Variants in C8orf34 observed in about 807,000 individuals in gnomAD.
C8orf34 encodes chromosome 8 open reading frame 34.
C8orf34 carries 65 observed loss-of-function variants against 68.3 expected under a neutral mutation model. The observed-to-expected ratio is 0.95, with a 90% confidence interval of 0.78 to 1.17. C8orf34 has a LOEUF of 1.17. Among genes scored for constraint, C8orf34 ranks in the 50% most tolerant of loss-of-function variants. C8orf34 has a pLI of 0.00. For synonymous variants in C8orf34, 244 were observed against 241.2 expected, an observed-to-expected ratio of 1.01 and a Z score of -0.11; for missense variants, 664 against 655.4, an observed-to-expected ratio of 1.01 and a Z score of -0.14.
chr8:68,769,700 T>C (rs1346386957), intron 10 of C8orf34, among the ~76,000 whole-genome samples: 1 of 152,192 alleles, frequency 6.6e-6, no homozygotes, highest in South Asian at 2.1e-4. Context: ...TCTGTGTACA[T>C]CCAGAGTCAG....
chr8:68,692,245 G>A (rs557163807), intron 8 of C8orf34, among the ~76,000 whole-genome samples: 257 of 152,182 alleles, frequency 1.7e-3, no homozygotes, highest in African/African-American at 5.9e-3. Flanking sequence ...ATACCGTCTT[G>A]TGTGAATGAA....
chr8:68,521,808 A>T lies in C8orf34; in HGVS notation c.775A>T (p.Thr259Ser). 1.9e-6 allele frequency: 3 copies of T among 1,611,162 alleles called. No homozygotes were observed. Among genetic ancestry groups the T allele is most frequent in the Middle Eastern group, 1.7e-4 (1 of 6,048 alleles). ...CTTTTCTTCTCTTCAGGAAACAGTGACATTTAATTCTTCTCTTCTGAGGCC... is the reference window on the plus strand; with the variant it reads ...CTTTTCTTCTCTTCAGGAAACAGTGTCATTTAATTCTTCTCTTCTGAGGCC... ...ISDELDKETV[T>S]FNSSLLRPRV... The change falls in exon 6 of 14, where the codon ACA becomes TCA. Residue 259 changes from threonine (T) to serine (S), a missense_variant. By Grantham distance (58) the Thr-to-Ser change is moderately conservative. Transcript: ENST00000518698.
intron 1 of C8orf34, among the ~76,000 whole-genome samples, chr8:68,374,035 C>A (rs1229264645): frequency 2.6e-5 from 4 of 152,146 alleles, no homozygotes. Flanking sequence ...CCTGCCTTAG[C>A]CTGTTGAATA....
intron 8 of C8orf34, among the ~76,000 whole-genome samples, chr8:68,660,745 G>A (rs758852924): frequency 1.3e-4 from 20 of 152,168 alleles, no homozygotes; most frequent in Non-Finnish European, 2.8e-4. Context: ...TAAGTCCCAA[G>A]TGGCCCTCCT....
intron 7 of C8orf34, among the ~76,000 whole-genome samples, chr8:68,620,022 C>G (rs756307309): frequency 1.6e-4 from 25 of 152,130 alleles, no homozygotes; most frequent in Non-Finnish European, 2.9e-4. Flanking sequence ...AATCTTTACT[C>G]AAAAACCTCA....
intron 10 of C8orf34, among the ~76,000 whole-genome samples, chr8:68,735,843 A>C (rs1240042768): frequency 6.6e-6 from 1 of 152,186 alleles, no homozygotes; most frequent in Non-Finnish European, 1.5e-5. Context: ...AAATTTGTAA[A>C]ACACCAAATT....
intron 1 of C8orf34, among the ~76,000 whole-genome samples, chr8:68,377,317 G>A (rs1020896479): frequency 2.0e-5 from 3 of 152,088 alleles, no homozygotes; most frequent in African/African-American, 7.2e-5. Context: ...AGGATCGCTT[G>A]AGCCCAGGAC....
At chr8:68,717,074 C>A (rs1244462180) in intron 9 of C8orf34, among the ~76,000 whole-genome samples, 1 of 151,926 alleles carries the variant, frequency 6.6e-6, no homozygotes, top group Admixed American at 6.5e-5. Context: ...CCCACCGTGG[C>A]TGATTTCAAG....
chr8:68,539,922 C>T (rs1173781962), intron 7 of C8orf34, among the ~76,000 whole-genome samples: 2 of 145,766 alleles, frequency 1.4e-5, no homozygotes, highest in Non-Finnish European at 3.0e-5. Context: ...CAAAACTTGT[C>T]AATTATTTTC....
At chr8:68,669,331 C>T (rs1290431335) in intron 8 of C8orf34, among the ~76,000 whole-genome samples, 2 of 152,064 alleles carry the variant, frequency 1.3e-5, no homozygotes, top group Non-Finnish European at 2.9e-5. Context: ...GCTGTGAACT[C>T]AAAGCTGCTC....
intron 1 of C8orf34, among the ~76,000 whole-genome samples, chr8:68,368,323 A>G (rs1272618764): frequency 6.6e-6 from 1 of 152,234 alleles, no homozygotes; most frequent in Non-Finnish European, 1.5e-5. Flanking sequence ...TTGTTTGCAG[A>G]AATGGCAGTT....
At chr8:68,515,264 G>A (rs984429868) in intron 5 of C8orf34, among the ~76,000 whole-genome samples, 8 of 142,856 alleles carry the variant, frequency 5.6e-5, no homozygotes, top group Admixed American at 3.5e-4. Flanking sequence ...CACTTATTTA[G>A]TTTTTTTTTT....
intron 8 of C8orf34, among the ~76,000 whole-genome samples, chr8:68,687,622 T>C (rs1216311043): frequency 6.6e-6 from 1 of 151,992 alleles, no homozygotes; most frequent in Non-Finnish European, 1.5e-5. Context: ...TCAAGATGGA[T>C]AAAAGGCTTA....
At chr8:68,729,710 TG>T (rs1259524300) in intron 10 of C8orf34, among the ~76,000 whole-genome samples, 1 of 152,202 alleles carries the variant, frequency 6.6e-6, no homozygotes. Flanking sequence ...ATATAATTCT[TG>T]TATAAAACAT....
At chr8:68,596,910 G>A (rs916801317) in intron 7 of C8orf34, among the ~76,000 whole-genome samples, 9 of 152,070 alleles carry the variant, frequency 5.9e-5, no homozygotes, top group Admixed American at 6.6e-5. Flanking sequence ...TTCCTGTTAT[G>A]GGAAGATAAA....
intron 10 of C8orf34, among the ~76,000 whole-genome samples, chr8:68,747,167 T>G (rs1322764346): frequency 6.6e-6 from 1 of 152,056 alleles, no homozygotes; most frequent in African/African-American, 2.4e-5. Context: ...AGAAAAGGCC[T>G]TTGACAAAAT....
intron 7 of C8orf34, among the ~76,000 whole-genome samples, chr8:68,586,721 A>G (rs1563545555): frequency 6.6e-6 from 1 of 152,098 alleles, no homozygotes; most frequent in African/African-American, 2.4e-5. Flanking sequence ...TCCTTTTTTG[A>G]AAACAAATAG....
chr8:68,484,360 G>T (rs1318030065), intron 4 of C8orf34, among the ~76,000 whole-genome samples: 1 of 152,068 alleles, frequency 6.6e-6, no homozygotes, highest in Non-Finnish European at 1.5e-5. Context: ...TGAGATTTGG[G>T]CAGGACACAA....
At chr8:68,581,791 G>A (rs1817072722) in intron 7 of C8orf34, among the ~76,000 whole-genome samples, 2 of 152,008 alleles carry the variant, frequency 1.3e-5, no homozygotes, top group Non-Finnish European at 2.9e-5. Context: ...CTGTTGCAGG[G>A]GCAAGAATCC....
Sources: allele counts gnomAD v4.1 joint callset (sites outside exome capture counted in the v4.1 genomes callset), GRCh38; gene constraint gnomAD v4.1.1; transcripts MANE v1.5; gene names NCBI Gene and HGNC (gene_info 2026-07-23, HGNC 2026-07-21).